Variants in DPP6 observed in about 807,000 individuals in gnomAD.
The protein encoded by DPP6 is dipeptidyl peptidase like 6.
In DPP6, 69 loss-of-function variants were observed where a neutral mutation model predicts 122.6. The ratio of observed to expected loss-of-function variants is 0.56; its 90% CI spans 0.46 to 0.69. DPP6 has a LOEUF of 0.69. DPP6 is among the 30% of genes least tolerant of loss of function. The pLI is 0.00. For synonymous variants in DPP6, 418 were observed against 433.1 expected, an observed-to-expected ratio of 0.97 and a Z score of 0.43; for missense variants, 928 against 1,116.9, an observed-to-expected ratio of 0.83 and a Z score of 2.41.
chr7:154,375,309 C>T (rs1420387829), intron 1 of DPP6, among the ~76,000 whole-genome samples: 1 of 151,888 alleles, frequency 6.6e-6, no homozygotes, highest in Non-Finnish European at 1.5e-5. Flanking sequence ...GGCAGGAGGT[C>T]GACCACAATG....
intron 1 of DPP6, among the ~76,000 whole-genome samples, chr7:153,939,422 G>A (rs759530140): frequency 1.3e-5 from 2 of 152,220 alleles, no homozygotes; most frequent in South Asian, 2.1e-4. Flanking sequence ...CTCAGAGAGT[G>A]CACAGCTTTC....
intron 20 of DPP6, 60 bp from the exon 21 acceptor site, chr7:154,880,828 G>A: frequency 6.2e-7 from 1 of 1,613,922 alleles, no homozygotes; most frequent in Non-Finnish European, 8.5e-7. Context: ...CTGGGCTACA[G>A]GAAGACAAAG....
intron 1 of DPP6, among the ~76,000 whole-genome samples, chr7:154,063,981 G>A (rs183799448): frequency 9.9e-5 from 15 of 152,054 alleles, no homozygotes; most frequent in Admixed American, 2.0e-4. Context: ...TAGAGCAAAC[G>A]CAAAGCCCAG....
exon 1 of DPP6, chr7:153,887,454 CT>C: frequency 2.2e-6 from 1 of 464,958 alleles, no homozygotes. Flanking sequence ...TTCTTTCTTT[CT>C]TTATTGGTAG....
At chr7:154,702,765 G>C (rs1479358890) in intron 7 of DPP6, among the ~76,000 whole-genome samples, 1 of 152,246 alleles carries the variant, frequency 6.6e-6, no homozygotes, top group African/African-American at 2.4e-5. Context: ...TGGAGAAGCT[G>C]CAGTAAGTTA....
intron 1 of DPP6, chr7:154,058,966 G>GT (rs1392423496): frequency 1.5e-5 from 2 of 133,146 alleles, no homozygotes; most frequent in African/African-American, 6.6e-5. Context: ...GCACCCCCCC[G>GT]CGAGGCAGGG....
At chr7:154,313,712 T>TATATATATATATGC (rs1554515587) in intron 1 of DPP6, among the ~76,000 whole-genome samples, 351 of 24,858 alleles carry the variant, frequency 0.014, 76 homozygotes, top group Middle Eastern at 0.071. Context: ...TATATATATA[T>TATATATATATATGC]ATACACACAC....
chr7:154,037,013 A>C (rs1437424699), intron 1 of DPP6, among the ~76,000 whole-genome samples: 1 of 152,174 alleles, frequency 6.6e-6, no homozygotes, highest in Non-Finnish European at 1.5e-5. Flanking sequence ...AATATTCACA[A>C]CTACAATACT....
intron 1 of DPP6, among the ~76,000 whole-genome samples, chr7:154,018,406 T>C (rs1798534902): frequency 6.6e-6 from 1 of 152,168 alleles, no homozygotes; most frequent in Admixed American, 6.5e-5. Flanking sequence ...TTTTGCCCAT[T>C]TGTTAGTATT....
At chr7:153,768,660 A>C in the DPP6 span, among the ~76,000 whole-genome samples, 1 of 152,276 alleles carries the variant, frequency 6.6e-6, no homozygotes, top group African/African-American at 2.4e-5. Context: ...TATTGTCTTC[A>C]AATCTTTTGC....
chr7:153,975,736 A>C (rs1340705833), intron 1 of DPP6, among the ~76,000 whole-genome samples: 1 of 152,190 alleles, frequency 6.6e-6, no homozygotes, highest in African/African-American at 2.4e-5. Context: ...CTTAATTGCA[A>C]ATCCTTCAAG....
chr7:154,433,516 A>AAACGTTCTCCCACCC (rs1818619182), intron 1 of DPP6, among the ~76,000 whole-genome samples: 2 of 152,096 alleles, frequency 1.3e-5, no homozygotes, highest in South Asian at 2.1e-4. Flanking sequence ...TGTGAAACAC[A>AAACGTTCTCCCACCC]AACGTTCTCC....
chr7:154,721,617 A>G (rs1031846356), intron 7 of DPP6, among the ~76,000 whole-genome samples: 1 of 152,244 alleles, frequency 6.6e-6, no homozygotes, highest in East Asian at 1.9e-4. Flanking sequence ...CACCAAAAGC[A>G]TAAAAAATAA....
intron 1 of DPP6, among the ~76,000 whole-genome samples, chr7:154,336,201 G>T (rs2151049443): frequency 6.6e-6 from 1 of 152,178 alleles, no homozygotes; most frequent in East Asian, 1.9e-4. Flanking sequence ...ATGCCCACAT[G>T]GTCATAATAC....
the DPP6 span, among the ~76,000 whole-genome samples, chr7:153,833,248 A>G: frequency 6.6e-6 from 1 of 152,148 alleles, no homozygotes; most frequent in Non-Finnish European, 1.5e-5. Context: ...TCCTAAATAG[A>G]TCTCCATCTC....
chr7:154,350,812 G>A lies in DPP6; in HGVS notation c.244-95402G>A, dbSNP rs150786037. ...GGAGACAGGAGGAAACCTCAAATCC[G>A]CCTCTCTGAGGAGCTTTACATGGGT... On this transcript the variant is annotated intron_variant, in intron 1 of 25. Transcript: ENST00000377770. Among the ~76,000 whole-genome samples, 20 of 152,332 alleles carry A rather than the reference G, an allele frequency of 1.3e-4. No individual in the cohort carries two copies. In the East Asian group the frequency reaches 1.9e-3, roughly 15 times the overall value.
chr7:153,979,217 C>A (rs1310634375), intron 1 of DPP6, among the ~76,000 whole-genome samples: 1 of 152,110 alleles, frequency 6.6e-6, no homozygotes, highest in Admixed American at 6.6e-5. Context: ...TCTCTTATTT[C>A]CTTGAGAAGT....
At chr7:153,978,930 G>T (rs868245377) in intron 1 of DPP6, among the ~76,000 whole-genome samples, 1 of 152,000 alleles carries the variant, frequency 6.6e-6, no homozygotes, top group Admixed American at 6.6e-5. Context: ...TAACAGTACC[G>T]TGCTGTTTTG....
chr7:154,122,135 T>C (rs1807519691), intron 1 of DPP6, among the ~76,000 whole-genome samples: 1 of 152,214 alleles, frequency 6.6e-6, no homozygotes, highest in Non-Finnish European at 1.5e-5. Context: ...TCTCCAGACC[T>C]ATGTGAAAGT....
Sources: allele counts gnomAD v4.1 joint callset (sites outside exome capture counted in the v4.1 genomes callset), GRCh38; gene constraint gnomAD v4.1.1; transcripts MANE v1.5; gene names NCBI Gene and HGNC (gene_info 2026-07-23, HGNC 2026-07-21).